Variants in NECAB2 observed in about 807,000 individuals in gnomAD.
The protein encoded by NECAB2 is N-terminal EF-hand calcium binding protein 2.
NECAB2 carries 68 observed loss-of-function variants against 51.9 expected under a neutral mutation model. The observed-to-expected ratio is 1.31, with a 90% confidence interval of 1.08 to 1.60. The LOEUF (loss-of-function observed/expected upper bound fraction) is 1.60, where lower values mean the gene tolerates loss of function less well. NECAB2 is among the 40% of genes most tolerant of loss of function. The probability of loss-of-function intolerance (pLI) is 0.00; values close to 1 mark genes in which losing one functional copy is unlikely to be tolerated. For synonymous variants in NECAB2, 329 were observed against 203.5 expected (o/e 1.62, Z -5.25); for missense variants, 854 against 490.3 (o/e 1.74, Z -7.00).
chr16:83,994,569 G>A (rs2084670661), intron 7 of NECAB2, 40 bp from the exon 8 acceptor site: 1 of 1,612,716 alleles, frequency 6.2e-7, no homozygotes, highest in African/African-American at 1.3e-5. Flanking sequence ...CCCTCGTCCT[G>A]CCCACCACTG....
chr16:83,981,547 G>C lies in NECAB2; in HGVS notation c.459+420G>C, dbSNP rs1038327283. 2.0e-5 allele frequency among the ~76,000 whole-genome samples: 3 copies of C among 152,080 alleles called. No homozygotes were observed. In the South Asian group the frequency reaches 6.2e-4, roughly 32 times the overall value. On this transcript the variant is annotated intron_variant, in intron 5 of 12. Coordinates refer to ENST00000305202, the MANE Select transcript of NECAB2 (RefSeq NM_019065.3). ...ATCAGGTTCTCGATGCTCAGCACCT[G>C]GTTTAATCCTCACAGCAACCCTATG...
upstream of NECAB2, among the ~76,000 whole-genome samples, chr16:83,967,380 A>T (rs2084292606): frequency 5.2e-5 from 5 of 96,930 alleles, no homozygotes; most frequent in African/African-American, 1.2e-4. Flanking sequence ...GATGGATGGG[A>T]GGATGGGTGG....
chr16:84,001,315 C>A (rs149606213), intron 11 of NECAB2, among the ~76,000 whole-genome samples: 3 of 151,944 alleles, frequency 2.0e-5, no homozygotes, highest in African/African-American at 4.8e-5. Flanking sequence ...TGCGCCAGAC[C>A]CCACAGGCAG....
intron 10 of NECAB2, among the ~76,000 whole-genome samples, chr16:83,999,127 T>C (rs1010845299): frequency 6.6e-6 from 1 of 152,128 alleles, no homozygotes; most frequent in South Asian, 2.1e-4. Flanking sequence ...AGAGGGGTCT[T>C]CTTGGGCCCC....
intron 2 of NECAB2, among the ~76,000 whole-genome samples, chr16:83,976,443 A>G (rs932581391): frequency 6.6e-6 from 1 of 152,196 alleles, no homozygotes; most frequent in Non-Finnish European, 1.5e-5. Flanking sequence ...AAGGTACTCC[A>G]CGTGTGGTGT....
At chr16:83,990,672 G>C (rs147444633) in intron 6 of NECAB2, 42 bp downstream of exon 6, 13 of 1,605,332 alleles carry the variant, frequency 8.1e-6, no homozygotes, top group Non-Finnish European at 1.1e-5. Context: ...GGGGTATGCC[G>C]TGCACGCGCA....
At chr16:84,000,699 TC>T in intron 10 of NECAB2, 24 bp from the exon 11 acceptor site, 4 of 1,611,812 alleles carry the variant, frequency 2.5e-6, no homozygotes, top group Middle Eastern at 1.7e-4. Flanking sequence ...TCCAGCCTCC[TC>T]CCCCCGACCA....
intron 10 of NECAB2, 21 bp downstream of exon 10, chr16:83,998,338 T>G (rs541549288): frequency 2.5e-6 from 4 of 1,608,300 alleles, no homozygotes; most frequent in African/African-American, 2.7e-5. Flanking sequence ...TGCCGAGGCG[T>G]GGGTGGGATG....
intron 12 of NECAB2, 135 bp downstream of exon 12, chr16:84,002,051 G>T (rs2084847553): frequency 4.4e-6 from 5 of 1,130,522 alleles, no homozygotes; most frequent in Non-Finnish European, 6.4e-6. Flanking sequence ...ACCAATGCCA[G>T]GCTCAGAGCC....
chr16:83,967,475 AGGGAGGGGGGTGGGTGGGTGGG>A (rs2084295198), upstream of NECAB2, among the ~76,000 whole-genome samples: 1 of 2,616 alleles, frequency 3.8e-4, no homozygotes. Flanking sequence ...GATGGATGGG[AGGGAGGGGGGTGGGTGGGTGGG>A]TGGATGGATG....
In NECAB2 at chr16:84,002,157, C is replaced by T. The variant is rs5012587; in HGVS notation, c.1133-161C>T. ...CTACTTCCAGCCAGACTGAATTTCC[C>T]TTCCCAGGTGTGTGGTTTGCACCTG... On this transcript the variant is annotated intron_variant, in intron 12 of 12. Transcript: ENST00000305202. Among the ~76,000 whole-genome samples the T allele has an allele frequency of 6.0e-3, 911 of 152,310 alleles. 13 individuals carry two copies. The highest frequency in any genetic ancestry group is 0.02 in the African/African-American group (843 of 41,554).
intron 5 of NECAB2, among the ~76,000 whole-genome samples, chr16:83,984,910 A>G (rs971911606): frequency 1.3e-5 from 2 of 152,088 alleles, no homozygotes; most frequent in Admixed American, 6.6e-5. Flanking sequence ...TATAGCTCCT[A>G]TCATTATTAT....
At chr16:84,000,897 C>A (rs548290385) in intron 11 of NECAB2, 96 bp downstream of exon 11, 13 of 1,233,748 alleles carry the variant, frequency 1.1e-5, no homozygotes, top group South Asian at 1.2e-5. Context: ...GAGGGTAAGG[C>A]CGAGTCCAGT....
In NECAB2 at chr16:83,988,659, A is replaced by G. The variant is rs377535973; in HGVS notation, c.460-1835A>G. Among the ~76,000 whole-genome samples the G allele has an allele frequency of 2.6e-5, 4 of 152,328 alleles. No individual in the cohort carries two copies. The East Asian group carries it at 5.8e-4, about 22-fold the overall frequency. On this transcript the variant is annotated intron_variant, in intron 5 of 12. Coordinates refer to ENST00000305202, the MANE Select transcript of NECAB2 (RefSeq NM_019065.3). Reference sequence around the variant, plus strand: ...AGTGACTTAGGACAAACTCTTAAGCATTGTTTGCAGAAAAGGTGCTCATCT... The same window carrying G: ...AGTGACTTAGGACAAACTCTTAAGCGTTGTTTGCAGAAAAGGTGCTCATCT...
rs1006424670 is a variant in NECAB2, at chr16:83,968,367, AG to A, written c.-281del. On this transcript the variant is annotated 5_prime_UTR_variant, in exon 1 of 13. Transcript: ENST00000305202. ...CCCCACATACCCCTCCCCTCCGGGT[AG>A]CCCCCTCTGTGGCTGCGCCCGCGCC... Among the ~76,000 whole-genome samples, 7 of 150,146 alleles carry A rather than the reference AG, an allele frequency of 4.7e-5. No homozygotes were observed. Among genetic ancestry groups the A allele is most frequent in the Non-Finnish European group, 1.0e-4 (7 of 67,412 alleles).
chr16:83,971,345 C>G (rs1269030223), intron 1 of NECAB2: 1 of 152,134 alleles, frequency 6.6e-6, no homozygotes, highest in Admixed American at 6.6e-5. Flanking sequence ...GGGTGTGGCC[C>G]GGGCTGAGGA....
chr16:83,997,400 A>T, intron 9 of NECAB2, 131 bp downstream of exon 9: 1 of 1,131,144 alleles, frequency 8.8e-7, no homozygotes, highest in Non-Finnish European at 1.3e-6. Context: ...GATGTCGCCC[A>T]GCGCTTGGCA....
chr16:83,984,388 T>C (rs1302336482), intron 5 of NECAB2, among the ~76,000 whole-genome samples: 2 of 151,170 alleles, frequency 1.3e-5, no homozygotes, highest in Non-Finnish European at 2.9e-5. Flanking sequence ...ATCTAAAACA[T>C]TGTTTGACAC....
chr16:83,975,207 G>A (rs1288511734), intron 2 of NECAB2, among the ~76,000 whole-genome samples: 14 of 140,906 alleles, frequency 9.9e-5, no homozygotes, highest in African/African-American at 4.1e-4. Context: ...TTGGTGCGGG[G>A]ATGGGAACAG....
Sources: allele counts gnomAD v4.1 joint callset (sites outside exome capture counted in the v4.1 genomes callset), GRCh38; gene constraint gnomAD v4.1.1; transcripts MANE v1.5; gene names NCBI Gene and HGNC (gene_info 2026-07-23, HGNC 2026-07-21).